PTPN3: variants seen among roughly 807,000 people sequenced by gnomAD.
The protein encoded by PTPN3 is tyrosine-protein phosphatase non-receptor type 3.
In PTPN3, 96 loss-of-function variants were observed where a neutral mutation model predicts 132.7. The ratio of observed to expected loss-of-function variants is 0.72; its 90% confidence interval spans 0.61 to 0.86. The LOEUF (loss-of-function observed/expected upper bound fraction) is 0.86. Ranked by LOEUF, PTPN3 falls within the 40% of genes least tolerant of loss-of-function variation. PTPN3 has a pLI of 0.00. For missense variants in PTPN3, 1,125 were observed against 1,159.6 expected (o/e 0.97, Z 0.43); for synonymous variants, 398 against 429.0 (o/e 0.93, Z 0.89).
chr9:109,506,504 C>CTTCCTTCCTTCT, the PTPN3 span, among the ~76,000 whole-genome samples: 3 of 146,576 alleles, frequency 2.0e-5, no homozygotes, highest in East Asian at 6.0e-4. Flanking sequence ...ACCTTCTTTC[C>CTTCCTTCCTTCT]TTCCTTCCTT....
At chr9:109,483,208 C>T (rs749070876) in intron 1 of PTPN3, among the ~76,000 whole-genome samples, 10 of 152,250 alleles carry the variant, frequency 6.6e-5, no homozygotes, top group Non-Finnish European at 8.8e-5. Context: ...AGAGCTGACG[C>T]CCAATATGCG....
chr9:109,528,861 A>G, the PTPN3 span, among the ~76,000 whole-genome samples: 2 of 152,020 alleles, frequency 1.3e-5, no homozygotes, highest in Non-Finnish European at 2.9e-5. Context: ...ATATCTAATC[A>G]TCTTAATTCT....
At chr9:109,415,421 C>T (rs1842415196) in intron 14 of PTPN3, among the ~76,000 whole-genome samples, 1 of 152,096 alleles carries the variant, frequency 6.6e-6, no homozygotes, top group African/African-American at 2.4e-5. Flanking sequence ...TCTGGCAAAA[C>T]ACTGATAATA....
chr9:109,393,396 T>C (rs1840297721), intron 19 of PTPN3, among the ~76,000 whole-genome samples: 1 of 149,112 alleles, frequency 6.7e-6, no homozygotes, highest in African/African-American at 2.5e-5. Context: ...TTTTTTTTTT[T>C]TTTTTTTGAG....
intron 1 of PTPN3, among the ~76,000 whole-genome samples, chr9:109,464,466 G>A (rs180959069): frequency 1.3e-5 from 2 of 152,188 alleles, no homozygotes; most frequent in South Asian, 2.1e-4. Context: ...TGCTTATGAC[G>A]CATTTGACAA....
At chr9:109,420,239 C>T (rs1301219449) in intron 14 of PTPN3, among the ~76,000 whole-genome samples, 185 bp downstream of exon 14, 1 of 152,210 alleles carries the variant, frequency 6.6e-6, no homozygotes, top group Non-Finnish European at 1.5e-5. Flanking sequence ...ACCCCAGGCA[C>T]ATAGACCGTC....
intron 8 of PTPN3, 97 bp downstream of exon 8, chr9:109,438,017 T>C (rs1231126888): frequency 1.1e-5 from 15 of 1,376,944 alleles, no homozygotes; most frequent in South Asian, 1.6e-5. Flanking sequence ...AGAGGATTCA[T>C]GCACAAAAGA....
the PTPN3 span, among the ~76,000 whole-genome samples, chr9:109,510,336 A>G: frequency 6.6e-6 from 1 of 151,892 alleles, no homozygotes; most frequent in East Asian, 1.9e-4. Flanking sequence ...AGGCGGGCAG[A>G]TCACCTGAGG....
intron 1 of PTPN3, among the ~76,000 whole-genome samples, chr9:109,476,082 G>C (rs1846652430): frequency 6.6e-6 from 1 of 152,118 alleles, no homozygotes; most frequent in Admixed American, 6.5e-5. Context: ...GCTTTTTCCA[G>C]CTTTAAAATC....
At chr9:109,514,271 T>G in the PTPN3 span, among the ~76,000 whole-genome samples, 1 of 152,174 alleles carries the variant, frequency 6.6e-6, no homozygotes. Flanking sequence ...TTAATGTTAT[T>G]AAGGCATGGA....
At chr9:109,413,049 C>T (rs546313807) in intron 14 of PTPN3, among the ~76,000 whole-genome samples, 11 of 151,998 alleles carry the variant, frequency 7.2e-5, no homozygotes, top group Non-Finnish European at 1.3e-4. Context: ...AGGTTCACAC[C>T]ATTCTCCTGC....
chr9:109,381,510 A>G, intron 25 of PTPN3, 142 bp downstream of exon 25: 1 of 1,232,962 alleles, frequency 8.1e-7, no homozygotes, highest in Non-Finnish European at 1.2e-6. Flanking sequence ...GGCTGTAGCC[A>G]CTGACAAGCT....
chr9:109,476,828 T>G (rs979414255), intron 1 of PTPN3, among the ~76,000 whole-genome samples: 5 of 152,244 alleles, frequency 3.3e-5, no homozygotes, highest in Non-Finnish European at 7.3e-5. Flanking sequence ...GCTCTGTGAA[T>G]GCTGCCTATG....
At chr9:109,525,425 A>G in the PTPN3 span, among the ~76,000 whole-genome samples, 17 of 152,214 alleles carry the variant, frequency 1.1e-4, no homozygotes, top group South Asian at 1.0e-3. Context: ...CTAAAGTCCA[A>G]TAGTTCTCAG....
Position 109,470,929 on chromosome 9 carries a change from TA to T in PTPN3, c.-17-7479del, listed in dbSNP as rs139346771. On this transcript the variant is annotated intron_variant, in intron 1 of 25. Coordinates refer to ENST00000374541, the MANE Select transcript of PTPN3 (RefSeq NM_002829.4). The stretch of plus-strand genomic sequence containing the variant: ...ACCATCCACAGAGATTTTGGTTCAG[TA>T]AGGGCCCAGGAAACTGCATTGTAAA... Among the ~76,000 whole-genome samples, 307 of 152,322 alleles carry T rather than the reference TA, an allele frequency of 2.0e-3. 3 individuals are homozygous for T. The East Asian group carries it at 0.037, about 19-fold the overall frequency.
chr9:109,411,090 G>A (rs1842044644), intron 14 of PTPN3, among the ~76,000 whole-genome samples: 2 of 152,202 alleles, frequency 1.3e-5, no homozygotes, highest in Non-Finnish European at 2.9e-5. Context: ...TACTTCACAT[G>A]CTCACTAGCC....
upstream of PTPN3, among the ~76,000 whole-genome samples, chr9:109,501,825 C>T (rs1447873355): frequency 6.6e-6 from 1 of 152,166 alleles, no homozygotes; most frequent in Non-Finnish European, 1.5e-5. Context: ...GATGGAACCA[C>T]CTGGTCCATG....
intron 19 of PTPN3, among the ~76,000 whole-genome samples, chr9:109,402,807 A>T (rs1354101467): frequency 6.6e-6 from 1 of 152,072 alleles, no homozygotes; most frequent in Non-Finnish European, 1.5e-5. Context: ...GCAGTGGCTC[A>T]TGCCTGTAAT....
chr9:109,492,659 C>T (rs180913322), intron 1 of PTPN3, among the ~76,000 whole-genome samples: 12 of 152,284 alleles, frequency 7.9e-5, no homozygotes, highest in African/African-American at 2.9e-4. Flanking sequence ...ATTGTAATGC[C>T]CAACTAAATC....
Sources: allele counts gnomAD v4.1 joint callset (sites outside exome capture counted in the v4.1 genomes callset), GRCh38; gene constraint gnomAD v4.1.1; transcripts MANE v1.5; gene names NCBI Gene and HGNC (gene_info 2026-07-23, HGNC 2026-07-21).